Variants in ASTN2 observed in about 807,000 individuals in gnomAD.
ASTN2 encodes the protein astrotactin-2.
A neutral mutation model predicts 139.8 loss-of-function variants in ASTN2; 54 were observed. The ratio of observed to expected loss-of-function variants is 0.39; its 90% CI spans 0.31 to 0.48. ASTN2 has a LOEUF of 0.48. ASTN2 is among the 20% of genes least tolerant of loss of function. The pLI is 0.95. For synonymous variants in ASTN2, 756 were observed against 719.5 expected, an observed-to-expected ratio of 1.05 and a Z score of -0.81; for missense variants, 1,565 against 1,725.1, an observed-to-expected ratio of 0.91 and a Z score of 1.64.
chr9:116,778,845 C>A (rs1830148942), intron 13 of ASTN2, among the ~76,000 whole-genome samples: 1 of 151,984 alleles, frequency 6.6e-6, no homozygotes. Flanking sequence ...CAGAGGGGGC[C>A]CGAATCTAAA....
intron 5 of ASTN2, among the ~76,000 whole-genome samples, chr9:117,093,811 AAC>A (rs1262782314): frequency 6.6e-6 from 1 of 152,134 alleles, no homozygotes; most frequent in Non-Finnish European, 1.5e-5. Flanking sequence ...AACAACATCA[AAC>A]ACAGTATTAA....
At chr9:117,019,600 A>G (rs1837813048) in intron 6 of ASTN2, among the ~76,000 whole-genome samples, 1 of 152,142 alleles carries the variant, frequency 6.6e-6, no homozygotes, top group South Asian at 2.1e-4. Flanking sequence ...TAAGGTTTTT[A>G]TTCGAGGGCC....
intron 7 of ASTN2, among the ~76,000 whole-genome samples, chr9:116,982,323 T>C (rs1439467767): frequency 6.6e-6 from 1 of 152,210 alleles, no homozygotes; most frequent in Non-Finnish European, 1.5e-5. Context: ...AAGGATCAAG[T>C]GCTGTACTTG....
rs770703926 is a variant in ASTN2 at position 117,141,479 on chromosome 9, C to T, written c.1016-1G>A. 5.9e-6 allele frequency: 8 copies of T among 1,366,608 alleles called. No individual in the cohort carries two copies. In the South Asian group the frequency reaches 8.0e-5, roughly 14 times the overall value. The allele number at this position is 1,366,608 out of a possible 1,614,324, so 84.7% of individuals were successfully genotyped here. On this transcript the variant is annotated splice_acceptor_variant, in intron 3 of 22. Coordinates refer to ENST00000313400, the MANE Select transcript of ASTN2 (RefSeq NM_001365068.1). LOFTEE classifies it high-confidence loss of function. ...GTCTCCTGAGTCGCCTCAGCTGCTG[C>T]TATAAGGTAGCAATGGGGCTGAGGT... is the stretch of plus-strand genomic sequence containing the variant.
Position 116,496,208 on chromosome 9 carries a change from T to C in ASTN2, c.3356-8708A>G, listed in dbSNP as rs1331120815. Among the ~76,000 whole-genome samples, 4 of 152,238 alleles carry C rather than the reference T, an allele frequency of 2.6e-5. No homozygotes were observed. In the East Asian group the frequency reaches 7.7e-4, roughly 29 times the overall value. ...TTGATATATTGCCTGTATCCCCTGC[T>C]GTAAACCCTGTGAGTAAGAGAATTT... On this transcript the variant is annotated intron_variant, in intron 19 of 22. Transcript: ENST00000313400.
chr9:116,641,790 C>T (rs1857343641), intron 17 of ASTN2, among the ~76,000 whole-genome samples: 1 of 151,984 alleles, frequency 6.6e-6, no homozygotes, highest in African/African-American at 2.4e-5. Context: ...TATTAAGTTC[C>T]TCTTTTGTAA....
At chr9:117,299,914 G>C (rs1263845333) in intron 1 of ASTN2, among the ~76,000 whole-genome samples, 14 of 152,194 alleles carry the variant, frequency 9.2e-5, no homozygotes, top group Admixed American at 9.2e-4. Context: ...TACAGCACCT[G>C]ACTGGTATCC....
chr9:116,427,804 T>A (rs933372593), intron 22 of ASTN2, among the ~76,000 whole-genome samples: 3 of 152,232 alleles, frequency 2.0e-5, no homozygotes, highest in African/African-American at 4.8e-5. Context: ...CCACACTCTA[T>A]CCACAGTCCT....
intron 1 of ASTN2, among the ~76,000 whole-genome samples, chr9:117,332,844 A>T (rs548047825): frequency 1.3e-5 from 2 of 152,220 alleles, no homozygotes; most frequent in Non-Finnish European, 2.9e-5. Context: ...ATACAGATGC[A>T]TGCTAAAACA....
At chr9:116,763,783 T>C (rs1291106362) in intron 13 of ASTN2, among the ~76,000 whole-genome samples, 2 of 152,180 alleles carry the variant, frequency 1.3e-5, no homozygotes, top group Non-Finnish European at 1.5e-5. Flanking sequence ...CATTCCAGCA[T>C]TGGGTTAATA....
intron 2 of ASTN2, 114 bp downstream of exon 2, chr9:117,291,211 CT>C (rs1192990136): frequency 1.3e-5 from 17 of 1,331,104 alleles, no homozygotes; most frequent in Non-Finnish European, 1.5e-5. Context: ...TCATTCTAAC[CT>C]CTTGAGTTTG....
intron 19 of ASTN2, among the ~76,000 whole-genome samples, chr9:116,595,665 T>C (rs1854540898): frequency 6.6e-6 from 1 of 152,100 alleles, no homozygotes; most frequent in African/African-American, 2.4e-5. Flanking sequence ...TTACATTAGA[T>C]ACCTTTCTGC....
intron 22 of ASTN2, among the ~76,000 whole-genome samples, chr9:116,434,522 G>A (rs1199423708): frequency 6.6e-6 from 1 of 152,234 alleles, no homozygotes; most frequent in Non-Finnish European, 1.5e-5. Flanking sequence ...TATTCGTAAT[G>A]TCTGCCATGG....
chr9:117,014,136 G>A (rs1175603414), intron 6 of ASTN2, among the ~76,000 whole-genome samples: 1 of 152,008 alleles, frequency 6.6e-6, no homozygotes, highest in East Asian at 1.9e-4. Context: ...ATGTCTTCCT[G>A]GAAACAAGAT....
At chr9:116,910,366 G>A (rs139075810) in intron 10 of ASTN2, among the ~76,000 whole-genome samples, 98 of 152,250 alleles carry the variant, frequency 6.4e-4, no homozygotes, top group African/African-American at 2.3e-3. Flanking sequence ...TGTCCCACGC[G>A]TGATAGGATT....
chr9:116,709,279 AG>A lies in ASTN2; in HGVS notation c.2806+16491del, dbSNP rs1206800030. On this transcript the variant is annotated intron_variant, in intron 16 of 22. Transcript: ENST00000313400. ...TGCTAAATACCATGGTGCTGGTAAA[AG>A]TCATCCCCCTTCCCAGACCCTTTGG... 5.5e-4 allele frequency among the ~76,000 whole-genome samples: 84 copies of A among 152,214 alleles called. 2 individuals carry two copies. Among genetic ancestry groups the A allele is most frequent in the Admixed American group, 2.6e-4 (4 of 15,272 alleles).
chr9:117,102,978 C>T (rs1352333393), intron 4 of ASTN2, among the ~76,000 whole-genome samples: 1 of 151,780 alleles, frequency 6.6e-6, no homozygotes, highest in East Asian at 1.9e-4. Flanking sequence ...AGTTGGGGCA[C>T]AGAGTGGAAG....
chr9:116,905,292 A>G (rs981390742), intron 10 of ASTN2, among the ~76,000 whole-genome samples: 1 of 152,172 alleles, frequency 6.6e-6, no homozygotes, highest in African/African-American at 2.4e-5. Flanking sequence ...GTGTGATACA[A>G]AAGCGGCATT....
chr9:117,042,484 TA>T (rs1168130906), intron 5 of ASTN2, among the ~76,000 whole-genome samples: 1 of 152,112 alleles, frequency 6.6e-6, no homozygotes, highest in East Asian at 1.9e-4. Context: ...GAATAAATGT[TA>T]AATAGAAGAG....
Sources: allele counts gnomAD v4.1 joint callset (sites outside exome capture counted in the v4.1 genomes callset), GRCh38; gene constraint gnomAD v4.1.1; transcripts MANE v1.5; gene names NCBI Gene and HGNC (gene_info 2026-07-23, HGNC 2026-07-21).